ARMC9: variants seen among roughly 807,000 people sequenced by gnomAD.
The protein encoded by ARMC9 is armadillo repeat containing 9.
ARMC9 carries 94 observed loss-of-function variants against 107.0 expected under a neutral mutation model. The ratio of observed to expected loss-of-function variants is 0.88; its 90% confidence interval spans 0.74 to 1.04. ARMC9 has a LOEUF of 1.04. Among genes scored for constraint, ARMC9 ranks in the 50% least tolerant of loss-of-function variants. The pLI, the probability that ARMC9 is intolerant of heterozygous loss-of-function variation, is 0.00. For synonymous variants in ARMC9, 380 were observed against 396.9 expected (o/e 0.96, Z 0.51); for missense variants, 942 against 1,030.1 (o/e 0.91, Z 1.17).
chr2:231,338,288 G>A (rs990546288), intron 20 of ARMC9, among the ~76,000 whole-genome samples: 8 of 151,216 alleles, frequency 5.3e-5, no homozygotes, highest in African/African-American at 1.2e-4. Flanking sequence ...GCGCAATCTC[G>A]GCTTACTGTA....
At chr2:231,342,640 G>A (rs1334772727) in intron 20 of ARMC9, among the ~76,000 whole-genome samples, 4 of 152,088 alleles carry the variant, frequency 2.6e-5, no homozygotes, top group East Asian at 3.9e-4. Context: ...GTGTAAAGCC[G>A]ACCCTAGATC....
chr2:231,210,299 G>A (rs2032640103), intron 3 of ARMC9, among the ~76,000 whole-genome samples: 1 of 152,150 alleles, frequency 6.6e-6, no homozygotes, highest in Non-Finnish European at 1.5e-5. Flanking sequence ...GACCTCCCTG[G>A]CACCCCCCAC....
chr2:231,261,707 C>T (rs2038361244), intron 11 of ARMC9, among the ~76,000 whole-genome samples: 1 of 152,188 alleles, frequency 6.6e-6, no homozygotes. Flanking sequence ...CTTCTCTGGG[C>T]ATGGATGAGC....
chr2:231,198,971 G>A (rs2030232593), intron 1 of ARMC9: 1 of 152,238 alleles, frequency 6.6e-6, no homozygotes, highest in Non-Finnish European at 1.5e-5. Context: ...TGCTGCAGTG[G>A]GCCATACTTG....
rs759848004 is a variant in ARMC9 at position 231,271,069 on chromosome 2, G to T, written c.1207G>T (p.Glu403Ter). Residue 403 changes from glutamate (E) to a stop codon, truncating the protein, a stop_gained, in exon 13 of 25, where the codon GAA becomes TAA. Transcript: ENST00000611582. LOFTEE classifies it high-confidence loss of function. Reference sequence around the variant, plus strand: ...CATCAATGCTTTTGCGTCACTGGCAGAAGGTGAGACATCAGCTTTGCTTCA... The same window carrying T: ...CATCAATGCTTTTGCGTCACTGGCATAAGGTGAGACATCAGCTTTGCTTCA... ...RLINAFASLA[E>*]GRLYLAQNTK... The T allele has an allele frequency of 6.2e-7, 1 of 1,613,940 alleles. No individual in the cohort carries two copies. Among genetic ancestry groups the T allele is most frequent in the Non-Finnish European group, 8.5e-7 (1 of 1,179,866 alleles).
At chr2:231,234,265 C>G (rs932407971) in intron 7 of ARMC9, among the ~76,000 whole-genome samples, 2 of 152,158 alleles carry the variant, frequency 1.3e-5, no homozygotes, top group Non-Finnish European at 1.5e-5. Context: ...TGAGGATTTG[C>G]CTATTCCTGC....
intron 14 of ARMC9, 33 bp from the exon 15 acceptor site, chr2:231,276,603 A>G: frequency 2.5e-6 from 4 of 1,613,404 alleles, no homozygotes; most frequent in Non-Finnish European, 3.4e-6. Context: ...GTTTCTTGGC[A>G]GTTTGTATTT....
intron 8 of ARMC9, among the ~76,000 whole-genome samples, chr2:231,236,850 G>A (rs990783086): frequency 3.3e-5 from 5 of 152,116 alleles, no homozygotes; most frequent in African/African-American, 4.8e-5. Flanking sequence ...AGGCTGAGGC[G>A]GGAGGAACTC....
chr2:231,282,086 T>G lies in ARMC9; in HGVS notation c.1579T>G (p.Tyr527Asp). 6.2e-7 allele frequency: 1 copy of G among 1,614,156 alleles called. No homozygotes were observed. Among genetic ancestry groups the G allele is most frequent in the Non-Finnish European group, 8.5e-7 (1 of 1,180,004 alleles). Reference protein sequence around the residue: ...EIQPYVNGALYSILSVPSIRE... With the variant: ...EIQPYVNGALDSILSVPSIRE... ...ACAGCCGTATGTGAATGGAGCTCTG[T>G]ACAGCATCCTTTCTGTTCCATCCAT... Residue 527 changes from tyrosine (Y) to aspartate (D), a missense_variant, in exon 17 of 25, where the codon TAC becomes GAC. Physicochemically the swap from Tyr to Asp is radical, Grantham distance 160. Coordinates refer to ENST00000611582, the MANE Select transcript of ARMC9 (RefSeq NM_001352754.2).
intron 12 of ARMC9, among the ~76,000 whole-genome samples, chr2:231,262,776 C>T (rs1377535054): frequency 6.6e-6 from 1 of 152,122 alleles, no homozygotes; most frequent in Non-Finnish European, 1.5e-5. Context: ...TAACACAGTA[C>T]TTTACTTATA....
Position 231,323,012 on chromosome 2 carries a change from T to C in ARMC9, c.1774-8781T>C, listed in dbSNP as rs565389579. On this transcript the variant is annotated intron_variant, in intron 19 of 24. Coordinates refer to ENST00000611582, the MANE Select transcript of ARMC9 (RefSeq NM_001352754.2). Reference sequence around the variant, plus strand: ...CACCCAGCACCTTGCCAGGCTTGCATTGAGAGAGGCTAGCAGAATTCTTTC... The same window carrying C: ...CACCCAGCACCTTGCCAGGCTTGCACTGAGAGAGGCTAGCAGAATTCTTTC... Among the ~76,000 whole-genome samples, 13 of 152,260 alleles carry C rather than the reference T, an allele frequency of 8.5e-5. No individual in the cohort carries two copies. In the South Asian group the frequency reaches 2.1e-3, roughly 24 times the overall value.
At chr2:231,279,511 C>CTTTTTTTTTTTTTTTTTTTTTTTTTT (rs57779512) in intron 16 of ARMC9, among the ~76,000 whole-genome samples, 2 of 124,808 alleles carry the variant, frequency 1.6e-5, no homozygotes, top group African/African-American at 3.2e-5. Context: ...TTTCTTTTTT[C>CTTTTTTTTTTTTTTTTTTTTTTTTTT]TTTTTTTTTT....
chr2:231,203,500 C>G (rs1314444174), intron 1 of ARMC9, among the ~76,000 whole-genome samples: 4 of 152,188 alleles, frequency 2.6e-5, no homozygotes, highest in African/African-American at 9.7e-5. Flanking sequence ...CTTCCCACTC[C>G]CCTCCAGTCT....
intron 10 of ARMC9, among the ~76,000 whole-genome samples, chr2:231,258,135 CCTT>C (rs1034463199): frequency 2.6e-5 from 4 of 152,116 alleles, no homozygotes; most frequent in Non-Finnish European, 5.9e-5. Context: ...CCTGACCACA[CCTT>C]CTACCTCCTT....
chr2:231,293,518 T>C (rs1163490941), intron 18 of ARMC9, among the ~76,000 whole-genome samples: 1 of 152,190 alleles, frequency 6.6e-6, no homozygotes, highest in East Asian at 1.9e-4. Flanking sequence ...AGGCCCCCTT[T>C]ACTCTCTGGC....
At chr2:231,371,099 G>A (rs2046002899) in intron 24 of ARMC9, 4 of 471,466 alleles carry the variant, frequency 8.5e-6, no homozygotes, top group South Asian at 6.2e-5. Context: ...CGCAGAGGAG[G>A]TGCAGCAAAT....
intron 14 of ARMC9, among the ~76,000 whole-genome samples, chr2:231,275,841 T>C (rs920825366): frequency 6.6e-6 from 1 of 152,096 alleles, no homozygotes; most frequent in African/African-American, 2.4e-5. Context: ...TAATCCCAGC[T>C]ACTTGGGAGG....
chr2:231,230,917 G>T (rs2035155452), intron 7 of ARMC9, among the ~76,000 whole-genome samples: 1 of 152,200 alleles, frequency 6.6e-6, no homozygotes, highest in African/African-American at 2.4e-5. Flanking sequence ...CATGGATATG[G>T]AGTGCTGACT....
chr2:231,201,181 C>T (rs1328149520), intron 1 of ARMC9, among the ~76,000 whole-genome samples: 1 of 152,202 alleles, frequency 6.6e-6, no homozygotes, highest in East Asian at 1.9e-4. Flanking sequence ...TCCCCTTTTG[C>T]ATCTGGCAGG....
Sources: allele counts gnomAD v4.1 joint callset (sites outside exome capture counted in the v4.1 genomes callset), GRCh38; gene constraint gnomAD v4.1.1; transcripts MANE v1.5; gene names NCBI Gene and HGNC (gene_info 2026-07-23, HGNC 2026-07-21).